Variants in LUZP2 observed in about 807,000 individuals in gnomAD.
LUZP2 encodes the protein leucine zipper protein 2.
LUZP2 carries 52 observed loss-of-function variants against 51.6 expected under a neutral mutation model. The ratio of observed to expected loss-of-function variants is 1.01; its 90% CI spans 0.81 to 1.27. The LOEUF (loss-of-function observed/expected upper bound fraction) is 1.27. Ranked by LOEUF, LUZP2 falls within the 50% of genes most tolerant of loss-of-function variation. The probability of loss-of-function intolerance (pLI) is 0.00; values close to 1 mark genes in which losing one functional copy is unlikely to be tolerated. For synonymous variants in LUZP2, 154 were observed against 137.3 expected (o/e 1.12, Z -0.85); for missense variants, 436 against 395.4 (o/e 1.10, Z -0.87).
intron 1 of LUZP2, among the ~76,000 whole-genome samples, chr11:24,551,896 C>A (rs901221020): frequency 6.6e-6 from 1 of 151,740 alleles, no homozygotes; most frequent in African/African-American, 2.4e-5. Flanking sequence ...CATATGTCAC[C>A]TCCCCATACC....
intron 1 of LUZP2, among the ~76,000 whole-genome samples, chr11:24,672,567 C>A (rs192679549): frequency 5.1e-4 from 78 of 152,178 alleles, no homozygotes; most frequent in African/African-American, 1.8e-3. Flanking sequence ...CCACTAGATA[C>A]CATTAAAAAT....
chr11:24,631,293 C>T (rs950214991), intron 1 of LUZP2, among the ~76,000 whole-genome samples: 1 of 151,514 alleles, frequency 6.6e-6, no homozygotes, highest in African/African-American at 2.4e-5. Context: ...TTCAGCTTTT[C>T]TCCACTTACT....
chr11:24,963,244 G>A (rs537715438), intron 7 of LUZP2, among the ~76,000 whole-genome samples: 9 of 152,140 alleles, frequency 5.9e-5, no homozygotes, highest in South Asian at 2.1e-4. Flanking sequence ...GCAGTCTGCC[G>A]GTTCTCAGAT....
intron 1 of LUZP2, among the ~76,000 whole-genome samples, chr11:24,559,015 G>A (rs539284380): frequency 2.0e-5 from 3 of 152,226 alleles, no homozygotes; most frequent in Non-Finnish European, 4.4e-5. Flanking sequence ...AAGGAACATG[G>A]TCGTAAAAGT....
intron 5 of LUZP2, among the ~76,000 whole-genome samples, chr11:24,780,350 T>C (rs1849053542): frequency 6.6e-6 from 1 of 152,168 alleles, no homozygotes; most frequent in Non-Finnish European, 1.5e-5. Flanking sequence ...TTCTGAGTCC[T>C]GAGCACCATA....
chr11:24,521,580 A>G (rs917565350), intron 1 of LUZP2, among the ~76,000 whole-genome samples: 5 of 152,132 alleles, frequency 3.3e-5, no homozygotes, highest in Admixed American at 1.3e-4. Context: ...ATGAGTCAAT[A>G]TATCATTGCC....
At chr11:24,934,611 A>C (rs1457177775) in intron 7 of LUZP2, among the ~76,000 whole-genome samples, 1 of 152,200 alleles carries the variant, frequency 6.6e-6, no homozygotes, top group Non-Finnish European at 1.5e-5. Flanking sequence ...ATTTGAAAAA[A>C]AAATGTTGTG....
chr11:24,541,045 G>C (rs981887496), intron 1 of LUZP2, among the ~76,000 whole-genome samples: 5 of 151,968 alleles, frequency 3.3e-5, no homozygotes, highest in Admixed American at 6.6e-5. Flanking sequence ...CTGAGGCCAG[G>C]AGTTCAAGAC....
At position 24,968,884 on chromosome 11, in the gene LUZP2, A is replaced by G. The variant is rs566965900; in HGVS notation, c.523-7707A>G. ...ATGGGGCTTACCTAGTCAGTTTCCT[A>G]TATTTCAAGGTTCGTAGCCTGGCAC... On this transcript the variant is annotated intron_variant, in intron 7 of 11. Coordinates refer to ENST00000336930, the MANE Select transcript of LUZP2 (RefSeq NM_001009909.4). Among the ~76,000 whole-genome samples the G allele has an allele frequency of 2.0e-5, 3 of 152,284 alleles. No homozygotes were observed. In the South Asian group the frequency reaches 6.2e-4, roughly 32 times the overall value.
intron 9 of LUZP2, among the ~76,000 whole-genome samples, chr11:25,010,347 A>G (rs1323897502): frequency 6.7e-6 from 1 of 150,182 alleles, no homozygotes; most frequent in Non-Finnish European, 1.5e-5. Context: ...TGAGGTCAGG[A>G]GTTTGAGACC....
intron 3 of LUZP2, among the ~76,000 whole-genome samples, chr11:24,735,177 G>C (rs1046569233): frequency 6.6e-6 from 1 of 151,916 alleles, no homozygotes; most frequent in Admixed American, 6.6e-5. Context: ...AAGACAAACA[G>C]AGAAAGGAGT....
At chr11:24,497,367 C>G in intron 1 of LUZP2, 62 bp downstream of exon 1, 1 of 1,309,420 alleles carries the variant, frequency 7.6e-7, no homozygotes, top group African/African-American at 1.5e-5. Context: ...GTTGGTCCTA[C>G]TGTGGGTCAC....
intron 5 of LUZP2, among the ~76,000 whole-genome samples, chr11:24,896,455 C>T (rs553070397): frequency 6.6e-5 from 10 of 152,246 alleles, no homozygotes; most frequent in Middle Eastern, 3.4e-3. Context: ...GCAGAGGGGG[C>T]GCCGGGTCCC....
chr11:25,032,135 G>T (rs1189451599), intron 9 of LUZP2, among the ~76,000 whole-genome samples: 2 of 152,090 alleles, frequency 1.3e-5, no homozygotes, highest in Admixed American at 1.3e-4. Flanking sequence ...AGCTGGAAGG[G>T]CCAGGGAGTG....
At chr11:24,967,123 T>G (rs1855606766) in intron 7 of LUZP2, among the ~76,000 whole-genome samples, 1 of 151,768 alleles carries the variant, frequency 6.6e-6, no homozygotes, top group Admixed American at 6.6e-5. Flanking sequence ...TAATATAGCT[T>G]TAGAGTTAGT....
chr11:24,596,407 T>C (rs2133852678), intron 1 of LUZP2, among the ~76,000 whole-genome samples: 1 of 152,316 alleles, frequency 6.6e-6, no homozygotes, highest in South Asian at 2.1e-4. Flanking sequence ...TGAACTAAAC[T>C]TAATGAGAGA....
chr11:24,913,077 A>G (rs1395327767), intron 6 of LUZP2, among the ~76,000 whole-genome samples: 1 of 152,172 alleles, frequency 6.6e-6, no homozygotes, highest in East Asian at 1.9e-4. Context: ...ATTGAGATTT[A>G]TCTAGTTTAA....
At chr11:24,596,504 T>C (rs1853448711) in intron 1 of LUZP2, among the ~76,000 whole-genome samples, 1 of 152,172 alleles carries the variant, frequency 6.6e-6, no homozygotes, top group African/African-American at 2.4e-5. Flanking sequence ...GATAATAGAA[T>C]ACAGTGACTA....
intron 7 of LUZP2, among the ~76,000 whole-genome samples, chr11:24,934,749 A>C (rs1425832805): frequency 6.6e-6 from 1 of 152,188 alleles, no homozygotes; most frequent in East Asian, 1.9e-4. Flanking sequence ...CCTTGCTAAT[A>C]GGTTATATGA....
Sources: gnomAD v4.1 joint callset for allele counts (sites outside exome capture counted in the v4.1 genomes callset) on GRCh38, gnomAD v4.1.1 for gene constraint, MANE v1.5 for transcripts, NCBI Gene and HGNC (gene_info 2026-07-23, HGNC 2026-07-21) for gene names.